The following CCDC181 variants were observed in gnomAD, a reference collection of about 807,000 sequenced individuals.
CCDC181 encodes coiled-coil domain containing 181, also known as coiled-coil domain-containing protein 181.
Under a neutral mutation model 58.7 loss-of-function variants are expected in CCDC181, and 35 were observed. The observed-to-expected ratio is 0.60, with a 90% CI of 0.46 to 0.79. The LOEUF is 0.79. CCDC181 is among the 30% of genes least tolerant of loss of function. The pLI is 0.00. For missense variants in CCDC181, 517 were observed against 583.9 expected (o/e 0.89, Z 1.18); for synonymous variants, 183 against 197.5 (o/e 0.93, Z 0.62).
intron 2 of CCDC181, among the ~76,000 whole-genome samples, chr1:169,435,403 CAAA>C (rs932805218): frequency 6.6e-6 from 1 of 151,836 alleles, no homozygotes; most frequent in Non-Finnish European, 1.5e-5. Flanking sequence ...TATATGTCAA[CAAA>C]AAAGATGTTA....
intron 4 of CCDC181, among the ~76,000 whole-genome samples, chr1:169,404,210 C>T (rs1467250650): frequency 6.6e-6 from 1 of 152,178 alleles, no homozygotes; most frequent in East Asian, 1.9e-4. Flanking sequence ...CAGACAGATT[C>T]ACAGCCAAAT....
intron 1 of CCDC181, among the ~76,000 whole-genome samples, chr1:169,426,295 C>T (rs1266720695): frequency 1.3e-5 from 2 of 152,146 alleles, no homozygotes; most frequent in African/African-American, 4.8e-5. Context: ...GGGTACTGTC[C>T]ATATGGTACA....
chr1:169,452,266 T>C (rs1010589202), intron 2 of CCDC181, among the ~76,000 whole-genome samples: 4 of 152,094 alleles, frequency 2.6e-5, no homozygotes, highest in African/African-American at 9.7e-5. Context: ...CCAGAAGCCA[T>C]AGGAAGAACA....
chr1:169,433,969 A>G (rs1656987575), intron 2 of CCDC181, among the ~76,000 whole-genome samples: 1 of 152,082 alleles, frequency 6.6e-6, no homozygotes, highest in Non-Finnish European at 1.5e-5. Flanking sequence ...CTCACTAGAC[A>G]TTATCAGCAG....
In CCDC181 at chr1:169,397,334, C is replaced by T. The variant is rs771422005; in HGVS notation, c.1273G>A (p.Glu425Lys). ...FRLWLKKKHE[E>K]QMKERQTEEL... is the part of the protein sequence containing the mutation. ...TCTGTCTGTCTTTCTTTCATCTGCTCTTCGTGCTTTTTTTTAAGCCATAAT... is the reference window on the plus strand; with the variant it reads ...TCTGTCTGTCTTTCTTTCATCTGCTTTTCGTGCTTTTTTTTAAGCCATAAT... The change falls in exon 5 of 6, where the codon GAG becomes AAG. Residue 425 changes from glutamate (E) to lysine (K), a missense_variant. By Grantham distance (56) the Glu-to-Lys change is moderately conservative (BLOSUM62 1). Coordinates refer to ENST00000367806, the MANE Select transcript of CCDC181 (RefSeq NM_001300969.2). The T allele has an allele frequency of 6.2e-7, 1 of 1,611,044 alleles. No individual in the cohort carries two copies. The highest frequency in any genetic ancestry group is 8.5e-7 in the Non-Finnish European group (1 of 1,178,688).
At chr1:169,423,612 C>A (rs1656589655) in intron 2 of CCDC181, among the ~76,000 whole-genome samples, 2 of 151,974 alleles carry the variant, frequency 1.3e-5, no homozygotes. Context: ...CTATATATAT[C>A]CCTAGCACCT....
At chr1:169,430,482 A>G (rs1363716303), upstream of CCDC181, among the ~76,000 whole-genome samples, 1 of 151,990 alleles carries the variant, frequency 6.6e-6, no homozygotes, top group Admixed American at 6.5e-5. Flanking sequence ...AGTGTTTTTT[A>G]GTTTTCCTTG....
chr1:169,401,072 A>G (rs182356955), intron 4 of CCDC181, among the ~76,000 whole-genome samples: 7 of 152,336 alleles, frequency 4.6e-5, no homozygotes, highest in Non-Finnish European at 1.0e-4. Flanking sequence ...GTCTGAGATC[A>G]AACTGCAATG....
chr1:169,449,551 C>CA (rs1557881594), intron 2 of CCDC181, among the ~76,000 whole-genome samples: 1 of 152,220 alleles, frequency 6.6e-6, no homozygotes, highest in Non-Finnish European at 1.5e-5. Flanking sequence ...GTTCGAGTCC[C>CA]AAAACCTCAA....
intron 4 of CCDC181, among the ~76,000 whole-genome samples, chr1:169,413,574 G>A (rs938681555): frequency 3.3e-5 from 5 of 152,290 alleles, no homozygotes; most frequent in African/African-American, 1.2e-4. Context: ...GCACATGTAT[G>A]TTTATTGAGG....
intron 4 of CCDC181, among the ~76,000 whole-genome samples, chr1:169,399,253 G>A (rs114451618): frequency 1.2e-4 from 18 of 152,256 alleles, no homozygotes; most frequent in Non-Finnish European, 2.5e-4. Context: ...GGGTTATTAG[G>A]CTTTTGTAAC....
At chr1:169,403,276 A>G (rs1655458273) in intron 4 of CCDC181, among the ~76,000 whole-genome samples, 1 of 152,222 alleles carries the variant, frequency 6.6e-6, no homozygotes, top group Non-Finnish European at 1.5e-5. Flanking sequence ...TAACAAGGAT[A>G]TCAAGGAATT....
chr1:169,457,619 C>T (rs1571523672), intron 2 of CCDC181, among the ~76,000 whole-genome samples: 1 of 152,136 alleles, frequency 6.6e-6, no homozygotes, highest in East Asian at 1.9e-4. Context: ...CTATCCATGA[C>T]ATAGAGGAAT....
intron 1 of CCDC181, among the ~76,000 whole-genome samples, chr1:169,425,439 G>A (rs1656673875): frequency 6.6e-6 from 1 of 151,872 alleles, no homozygotes; most frequent in South Asian, 2.1e-4. Flanking sequence ...ATTCTTTCTA[G>A]ATACTTATTT....
intron 4 of CCDC181, among the ~76,000 whole-genome samples, chr1:169,418,505 T>A (rs1304204781): frequency 1.3e-5 from 2 of 151,824 alleles, no homozygotes; most frequent in African/African-American, 2.4e-5. Context: ...TCTTTTTTTT[T>A]AAATTTTATT....
intron 2 of CCDC181, among the ~76,000 whole-genome samples, chr1:169,451,715 C>A (rs1163054557): frequency 6.6e-6 from 1 of 150,680 alleles, no homozygotes; most frequent in African/African-American, 2.4e-5. Context: ...TACACAATAC[C>A]CAAGCTGGCG....
chr1:169,408,624 G>A (rs1189392267), intron 4 of CCDC181, among the ~76,000 whole-genome samples: 8 of 152,168 alleles, frequency 5.3e-5, no homozygotes, highest in South Asian at 4.1e-4. Flanking sequence ...AGCAGGGGTC[G>A]AGAGACACCT....
At chr1:169,433,640 C>T (rs1023121359) in intron 2 of CCDC181, among the ~76,000 whole-genome samples, 2 of 151,954 alleles carry the variant, frequency 1.3e-5, no homozygotes, top group Non-Finnish European at 2.9e-5. Context: ...CATATATGGT[C>T]AAATGATTTT....
chr1:169,418,700 AG>A (rs1656322352), intron 4 of CCDC181: 1 of 373,440 alleles, frequency 2.7e-6, no homozygotes, highest in East Asian at 4.1e-5. Flanking sequence ...ACCAGTCTCT[AG>A]GGTTTTGTGG....
Sources: allele counts gnomAD v4.1 joint callset (sites outside exome capture counted in the v4.1 genomes callset), GRCh38; gene constraint gnomAD v4.1.1; transcripts MANE v1.5; gene names NCBI Gene and HGNC (gene_info 2026-07-23, HGNC 2026-07-21).